The following TNS3 variants were observed in gnomAD, a reference collection of about 807,000 sequenced individuals.
TNS3 encodes tensin 3, also known as tensin-3.
Under a neutral mutation model 140.9 loss-of-function variants are expected in TNS3, and 45 were observed. The observed-to-expected ratio is 0.32, with a 90% CI of 0.25 to 0.41. TNS3 has a LOEUF of 0.41. Ranked by LOEUF, TNS3 falls within the 10% of genes least tolerant of loss-of-function variation. The pLI is 1.00. For missense variants in TNS3, 1,716 were observed against 1,906.7 expected (o/e 0.90, Z 1.86); for synonymous variants, 815 against 788.4 (o/e 1.03, Z -0.56).
chr7:47,281,707 A>G (rs1785153653), intron 28 of TNS3, among the ~76,000 whole-genome samples: 1 of 152,208 alleles, frequency 6.6e-6, no homozygotes, highest in Non-Finnish European at 1.5e-5. Context: ...GAATATAAAG[A>G]ATACAGGGAA....
At chr7:47,496,868 A>AG (rs1562804718) in intron 3 of TNS3, among the ~76,000 whole-genome samples, 1 of 152,208 alleles carries the variant, frequency 6.6e-6, no homozygotes, top group Non-Finnish European at 1.5e-5. Flanking sequence ...GAGCCAAGGC[A>AG]GGGTGAGCCT....
intron 17 of TNS3, among the ~76,000 whole-genome samples, chr7:47,363,039 A>C (rs111064885): frequency 1.1e-3 from 2 of 1,770 alleles, no homozygotes; most frequent in African/African-American, 2.9e-3. Context: ...ATCACCATCA[A>C]CATCATCACC....
At chr7:47,462,816 G>A (rs192431162) in intron 4 of TNS3, among the ~76,000 whole-genome samples, 9 of 152,210 alleles carry the variant, frequency 5.9e-5, no homozygotes, top group African/African-American at 1.9e-4. Flanking sequence ...ATTCCTCCCC[G>A]CTGTGCCTCT....
chr7:47,500,523 T>TA (rs753956017), intron 3 of TNS3, among the ~76,000 whole-genome samples: 18 of 152,184 alleles, frequency 1.2e-4, no homozygotes, highest in Non-Finnish European at 2.5e-4. Flanking sequence ...AGAGCATATC[T>TA]AAAGCACTCG....
At chr7:47,325,815 T>C (rs1271631945) in intron 20 of TNS3, among the ~76,000 whole-genome samples, 1 of 152,186 alleles carries the variant, frequency 6.6e-6, no homozygotes, top group Non-Finnish European at 1.5e-5. Flanking sequence ...CCTGTCCTGA[T>C]CCTACATCAA....
chr7:47,346,372 C>T lies in TNS3; in HGVS notation c.2282-16G>A. On this transcript the variant is annotated splice_polypyrimidine_tract_variant and intron_variant, in intron 17 of 30. Transcript: ENST00000311160. ...GCAGAGGAGCCTGTTAAAAGGGAGA[C>T]AAGCAGGCTGCAGGGCGCTTCCTCA... 6.2e-7 allele frequency: 1 copy of T among 1,613,322 alleles called. No individual in the cohort carries two copies. The highest frequency in any genetic ancestry group is 1.3e-5 in the African/African-American group (1 of 75,054).
intron 4 of TNS3, among the ~76,000 whole-genome samples, chr7:47,475,923 C>T (rs1016058759): frequency 6.6e-6 from 1 of 152,130 alleles, no homozygotes; most frequent in African/African-American, 2.4e-5. Flanking sequence ...TGTCTGTCAT[C>T]GGTGCCCTCA....
chr7:47,425,405 A>C (rs1026678145), intron 9 of TNS3, among the ~76,000 whole-genome samples: 16 of 152,340 alleles, frequency 1.1e-4, no homozygotes, highest in Admixed American at 9.1e-4. Context: ...AAAATGATGT[A>C]CATAAGCACT....
In TNS3 at chr7:47,524,814, A is replaced by G. The variant is rs1217554693; in HGVS notation, c.-153+4222T>C. On this transcript the variant is annotated intron_variant, in intron 2 of 30. Coordinates refer to ENST00000311160, the MANE Select transcript of TNS3 (RefSeq NM_022748.12). Reference sequence around the variant, plus strand: ...ACAGAGCGAGACTCCGTCTCAAGAAAAAAAAAAAAAAAAAAAAAAAAAGGC... The same window carrying G: ...ACAGAGCGAGACTCCGTCTCAAGAAGAAAAAAAAAAAAAAAAAAAAAAGGC... Among the ~76,000 whole-genome samples the G allele has an allele frequency of 3.0e-3, 421 of 139,748 alleles. 2 individuals carry two copies. The highest frequency in any genetic ancestry group is 5.8e-3 in the Non-Finnish European group (374 of 64,834). 91.7% of individuals were successfully genotyped at this position (139,748 alleles called of 152,430 possible).
At chr7:47,347,603 T>G (rs1789419990) in intron 17 of TNS3, among the ~76,000 whole-genome samples, 1 of 151,156 alleles carries the variant, frequency 6.6e-6, no homozygotes, top group Admixed American at 6.7e-5. Flanking sequence ...TGAGCCAGGC[T>G]GTACACCACC....
chr7:47,530,834 A>ATAT (rs1554350205), intron 1 of TNS3, among the ~76,000 whole-genome samples: 2 of 30,826 alleles, frequency 6.5e-5, no homozygotes, highest in South Asian at 1.5e-3. Context: ...AAAAAAAAAA[A>ATAT]AAAAATATAT....
intron 4 of TNS3, among the ~76,000 whole-genome samples, chr7:47,465,577 T>C (rs1383386161): frequency 1.3e-5 from 2 of 152,180 alleles, no homozygotes; most frequent in Non-Finnish European, 2.9e-5. Context: ...CTGTGCCATT[T>C]AAAGCTAACC....
At chr7:47,320,178 G>A (rs962027527) in intron 20 of TNS3, among the ~76,000 whole-genome samples, 3 of 152,244 alleles carry the variant, frequency 2.0e-5, no homozygotes, top group Admixed American at 2.0e-4. Context: ...TTGACCCTCA[G>A]AACAACTCTT....
chr7:47,471,597 G>A (rs762497025), intron 4 of TNS3, among the ~76,000 whole-genome samples: 12 of 152,238 alleles, frequency 7.9e-5, no homozygotes, highest in Non-Finnish European at 1.5e-4. Flanking sequence ...TCGAATGACA[G>A]TTCATCACCA....
chr7:47,354,046 C>T (rs78531775), intron 17 of TNS3, among the ~76,000 whole-genome samples: 2,345 of 147,500 alleles, frequency 0.016, 49 homozygotes, highest in African/African-American at 0.056. Flanking sequence ...TTCCAAGGTA[C>T]GACAAAGAAC....
intron 1 of TNS3, among the ~76,000 whole-genome samples, chr7:47,535,431 A>G (rs1188930668): frequency 6.6e-6 from 1 of 152,236 alleles, no homozygotes; most frequent in Non-Finnish European, 1.5e-5. Flanking sequence ...TAGTGTAATA[A>G]CATCTGCTCA....
intron 9 of TNS3, among the ~76,000 whole-genome samples, chr7:47,427,140 A>C (rs1468896788): frequency 2.6e-5 from 4 of 151,614 alleles, no homozygotes. Flanking sequence ...AAAAAAAAAA[A>C]AAAAACAGAA....
chr7:47,380,533 C>G (rs1224887662), intron 16 of TNS3, among the ~76,000 whole-genome samples: 1 of 152,210 alleles, frequency 6.6e-6, no homozygotes, highest in Admixed American at 6.5e-5. Context: ...TGGACAAGTC[C>G]TGAGCGACAT....
chr7:47,307,523 A>G (rs1159633775), intron 20 of TNS3, among the ~76,000 whole-genome samples: 1 of 152,216 alleles, frequency 6.6e-6, no homozygotes, highest in East Asian at 1.9e-4. Flanking sequence ...GTAAGTGTCT[A>G]TGTAACTTTT....
Sources: allele counts gnomAD v4.1 joint callset (sites outside exome capture counted in the v4.1 genomes callset), GRCh38; gene constraint gnomAD v4.1.1; transcripts MANE v1.5; gene names NCBI Gene and HGNC (gene_info 2026-07-23, HGNC 2026-07-21).